ANK3: variants seen among roughly 807,000 people sequenced by gnomAD.
ANK3 encodes ankyrin 3, also known as ankyrin-3.
Under a neutral mutation model 370.9 loss-of-function variants are expected in ANK3, and 57 were observed. That is an observed-to-expected ratio of 0.15 (90% CI 0.12 to 0.19). The LOEUF is 0.19. Among genes scored for constraint, ANK3 ranks in the 10% least tolerant of loss-of-function variants. The pLI, the probability that ANK3 is intolerant of heterozygous loss-of-function variation, is 1.00. For synonymous variants in ANK3, 1,929 were observed against 1,946.3 expected (o/e 0.99, Z 0.23); for missense variants, 4,439 against 5,302.1 (o/e 0.84, Z 5.06).
chr10:60,252,060 T>C (rs900268240), intron 7 of ANK3, among the ~76,000 whole-genome samples: 7 of 152,242 alleles, frequency 4.6e-5, no homozygotes, highest in African/African-American at 1.2e-4. Context: ...TCTGAATTTA[T>C]TTTCTTAGAA....
At position 60,042,683 on chromosome 10, in the gene ANK3, G is replaced by A. The variant is rs754559328; in HGVS notation, c.*8C>T. The A allele has an allele frequency of 4.3e-6, 7 of 1,613,792 alleles. No individual in the cohort carries two copies. In the East Asian group the frequency reaches 6.7e-5, roughly 15 times the overall value. On this transcript the variant is annotated 3_prime_UTR_variant, in exon 43 of 44. Transcript: ENST00000280772. ...TGAACACACCTCACCTTGACTGACC[G>A]TTCGCTGTTACGAGTGGCTCTTCTT...
intron 1 of ANK3, among the ~76,000 whole-genome samples, chr10:60,689,847 G>T (rs976851930): frequency 6.6e-6 from 1 of 151,816 alleles, no homozygotes; most frequent in Non-Finnish European, 1.5e-5. Flanking sequence ...TCAAAATTAT[G>T]TTGAGGGAAT....
chr10:60,176,790 A>G (rs1230365523), intron 18 of ANK3, among the ~76,000 whole-genome samples: 1 of 152,008 alleles, frequency 6.6e-6, no homozygotes, highest in Non-Finnish European at 1.5e-5. Flanking sequence ...AAATAAACAA[A>G]AACAAACAAA....
At chr10:60,704,306 T>G (rs1240180067) in intron 1 of ANK3, among the ~76,000 whole-genome samples, 2 of 152,234 alleles carry the variant, frequency 1.3e-5, no homozygotes, top group African/African-American at 4.8e-5. Context: ...ATATCAGTTT[T>G]ATTTCTCTTT....
At position 60,260,057 on chromosome 10, in the gene ANK3, G is replaced by C. The variant is rs376954628; in HGVS notation, c.798+1802C>G. On this transcript the variant is annotated intron_variant, in intron 7 of 43. Transcript: ENST00000280772. ...CGGCAAGCTCATGACAACAGGATAG[G>C]AAATAGCTTTTCTATTAGTACAATC... Among the ~76,000 whole-genome samples, 10 of 152,302 alleles carry C rather than the reference G, an allele frequency of 6.6e-5. 1 individual carries two copies. The highest frequency in any genetic ancestry group is 2.2e-4 in the African/African-American group (9 of 41,576).
At chr10:60,497,583 C>T (rs1272439664) in intron 2 of ANK3, among the ~76,000 whole-genome samples, 1 of 152,140 alleles carries the variant, frequency 6.6e-6, no homozygotes, top group African/African-American at 2.4e-5. Context: ...GTTTTTATTA[C>T]ATTTTGGCAC....
At chr10:60,370,014 G>A (rs1023757231) in intron 1 of ANK3, among the ~76,000 whole-genome samples, 1 of 152,072 alleles carries the variant, frequency 6.6e-6, no homozygotes, top group Non-Finnish European at 1.5e-5. Context: ...AAAATATTAT[G>A]TACACTTCTT....
intron 1 of ANK3, among the ~76,000 whole-genome samples, chr10:60,712,541 T>C (rs1247455550): frequency 6.6e-6 from 1 of 152,128 alleles, no homozygotes; most frequent in Non-Finnish European, 1.5e-5. Flanking sequence ...AAGTGCTCAA[T>C]ACCAGAGAAG....
chr10:60,247,543 A>G (rs1004603677), intron 7 of ANK3, among the ~76,000 whole-genome samples: 22 of 152,152 alleles, frequency 1.4e-4, no homozygotes, highest in African/African-American at 5.3e-4. Context: ...GCCCAGGACA[A>G]CCACCATCCT....
intron 1 of ANK3, among the ~76,000 whole-genome samples, chr10:60,661,725 T>G (rs147096047): frequency 1.3e-3 from 203 of 152,298 alleles, no homozygotes; most frequent in African/African-American, 4.6e-3. Context: ...ATGGCAAACA[T>G]TTTGTTTCCA....
chr10:60,064,030 C>T, intron 39 of ANK3, 127 bp downstream of exon 39: 1 of 853,678 alleles, frequency 1.2e-6, no homozygotes, highest in Non-Finnish European at 1.7e-6. Flanking sequence ...ACCTCATGAT[C>T]ACTTAGTTTT....
At chr10:60,316,508 A>G (rs1486519091) in intron 1 of ANK3, among the ~76,000 whole-genome samples, 1 of 152,168 alleles carries the variant, frequency 6.6e-6, no homozygotes, top group Non-Finnish European at 1.5e-5. Flanking sequence ...GTTTTATTTG[A>G]CAAGGTTTCT....
rs186350302 is a variant in ANK3, at chr10:60,620,190, G to A, written c.58-4966C>T. Among the ~76,000 whole-genome samples, 3 of 152,146 alleles carry A rather than the reference G, an allele frequency of 2.0e-5. No homozygotes were observed. The East Asian group carries it at 5.8e-4, about 29-fold the overall frequency. On this transcript the variant is annotated intron_variant, in intron 1 of 43. Coordinates refer to the ANK3 transcript ENST00000373827. ...CTTGCATTGGTGACTTTCCATATCT[G>A]ACATATTTCTTATTTTACATTTCCA...
chr10:60,611,531 T>C lies in ANK3; in HGVS notation c.96+3655A>G, dbSNP rs545307805. ...ACCCACCCACTTTTAGTCAGCCTCA[T>C]TGTAACCCATACCCTTACACTGGGC... is the stretch of plus-strand genomic sequence containing the variant. On this transcript the variant is annotated intron_variant, in intron 2 of 43. Transcript: ENST00000373827. Among the ~76,000 whole-genome samples the C allele has an allele frequency of 1.1e-4, 17 of 152,226 alleles. No individual in the cohort carries two copies. The South Asian group carries it at 3.5e-3, about 32-fold the overall frequency.
At chr10:60,380,289 G>C (rs551175290) in intron 1 of ANK3, among the ~76,000 whole-genome samples, 37 of 152,154 alleles carry the variant, frequency 2.4e-4, no homozygotes, top group Non-Finnish European at 4.3e-4. Flanking sequence ...GATTTCCTAG[G>C]GGGAGGAACC....
In ANK3 at chr10:60,070,361, C is replaced by T; in HGVS notation, c.10520G>A (p.Gly3507Asp). ...AAACACTGATCTGTCAGGATGTCTGCCTTCCAGTGTGAAGAACTGGGCCCC... is the reference window on the plus strand; with the variant it reads ...AAACACTGATCTGTCAGGATGTCTGTCTTCCAGTGTGAAGAACTGGGCCCC... ...KSGAQFFTLE[G>D]RHPDRSVFPD... Residue 3507 changes from glycine (G) to aspartate (D), a missense_variant, in exon 37 of 44, where the codon GGC becomes GAC. This residue lies in a region of ANK3 where 1,601 missense variants were observed against 1,731.7 expected (regional missense o/e 0.92). Coordinates refer to ENST00000280772, the MANE Select transcript of ANK3 (RefSeq NM_020987.5). This position sits in a 1 kb window ranked among gnomAD's most constrained non-coding sequence, Gnocchi z 5.7. 1 of 1,614,102 alleles carries T rather than the reference C, an allele frequency of 6.2e-7. No individual in the cohort carries two copies. Among genetic ancestry groups the T allele is most frequent in the Non-Finnish European group, 8.5e-7 (1 of 1,180,000 alleles).
chr10:60,348,358 AAAAAAAAAAAAACACAAAAAAC>A (rs1449553304), intron 1 of ANK3, among the ~76,000 whole-genome samples: 7 of 109,914 alleles, frequency 6.4e-5, no homozygotes, highest in African/African-American at 2.1e-4. Flanking sequence ...AAAAAAAAAA[AAAAAAAAAAAAACACAAAAAAC>A]AAAAAAAACG....
intron 1 of ANK3, among the ~76,000 whole-genome samples, chr10:60,300,788 C>T (rs1389064807): frequency 1.3e-5 from 2 of 152,228 alleles, no homozygotes; most frequent in African/African-American, 4.8e-5. Flanking sequence ...GACAATACCA[C>T]CATTTTCTCC....
intron 7 of ANK3, among the ~76,000 whole-genome samples, chr10:60,244,198 T>C (rs1205750386): frequency 6.6e-6 from 1 of 152,146 alleles, no homozygotes; most frequent in Non-Finnish European, 1.5e-5. Context: ...TCAGGGCCAT[T>C]TTCTATATTA....
Sources: gnomAD v4.1 joint callset for allele counts (sites outside exome capture counted in the v4.1 genomes callset) on GRCh38, gnomAD v4.1.1 for gene constraint, gnomAD v4.1.1 regional missense constraint, Gnocchi (gnomAD v3.1) non-coding constraint, MANE v1.5 for transcripts, NCBI Gene and HGNC (gene_info 2026-07-23, HGNC 2026-07-21) for gene names.